GPCPD1: variants seen among roughly 807,000 people sequenced by gnomAD.
The protein encoded by GPCPD1 is glycerophosphocholine phosphodiesterase 1, also known as glycerophosphocholine phosphodiesterase GPCPD1.
In GPCPD1, 29 loss-of-function variants were observed where a neutral mutation model predicts 89.2. The ratio of observed to expected loss-of-function variants is 0.33; its 90% CI spans 0.24 to 0.44. The LOEUF (loss-of-function observed/expected upper bound fraction) is 0.44. GPCPD1 is among the 20% of genes least tolerant of loss of function. GPCPD1 has a pLI of 1.00. For missense variants in GPCPD1, 594 were observed against 808.9 expected (o/e 0.73, Z 3.22); for synonymous variants, 258 against 266.3 (o/e 0.97, Z 0.30).
Position 5,546,876 on chromosome 20 carries a change from C to T in GPCPD1, c.*785G>A, listed in dbSNP as rs1393754681. Reference sequence around the variant, plus strand: ...ACAGATGCAAGGACCTAACAGTAAACATGTACAATCTCATGCTTAACACCT... The same window carrying T: ...ACAGATGCAAGGACCTAACAGTAAATATGTACAATCTCATGCTTAACACCT... On this transcript the variant is annotated 3_prime_UTR_variant, in exon 20 of 20. Transcript: ENST00000379019. 1.3e-5 allele frequency: 2 copies of T among 152,504 alleles called. No individual in the cohort carries two copies. The highest frequency in any genetic ancestry group is 2.4e-5 in the African/African-American group (1 of 41,396). 9.4% of individuals were successfully genotyped at this position (152,504 alleles called of 1,614,324 possible). A position where few individuals can be genotyped will look rare whatever the true frequency, so the allele number is the denominator to read the frequency against.
intron 2 of GPCPD1, among the ~76,000 whole-genome samples, chr20:5,601,454 T>C (rs906752238): frequency 1.4e-5 from 2 of 142,284 alleles, no homozygotes; most frequent in African/African-American, 5.3e-5. Flanking sequence ...CTGCAACTTC[T>C]ACCTCCAGGG....
chr20:5,610,644 G>A (rs900054158), intron 1 of GPCPD1, among the ~76,000 whole-genome samples, 198 bp downstream of exon 1: 4 of 152,000 alleles, frequency 2.6e-5, no homozygotes, highest in African/African-American at 9.7e-5. Flanking sequence ...GTCGAAGAGT[G>A]CGTCCCAGCC....
intron 6 of GPCPD1, 56 bp downstream of exon 6, chr20:5,584,225 T>G: frequency 1.2e-6 from 1 of 828,340 alleles, no homozygotes; most frequent in South Asian, 1.5e-5. Flanking sequence ...CAGTGAAATG[T>G]AAAGTAACAA....
chr20:5,583,631 G>A (rs560231753), intron 6 of GPCPD1, among the ~76,000 whole-genome samples: 23 of 152,274 alleles, frequency 1.5e-4, no homozygotes, highest in African/African-American at 4.3e-4. Flanking sequence ...ATATTCAGAA[G>A]TTAAAGCATT....
rs1159735237 is a variant in GPCPD1 at position 5,547,518 on chromosome 20, C to G, written c.*143G>C. 2.2e-6 allele frequency: 1 copy of G among 458,736 alleles called. No homozygotes were observed. The highest frequency in any genetic ancestry group is 2.0e-5 in the African/African-American group (1 of 50,496). The allele number at this position is 458,736 out of a possible 1,614,324, so 28.4% of individuals were successfully genotyped here. A position where few individuals can be genotyped will look rare whatever the true frequency, so the allele number is the denominator to read the frequency against. On this transcript the variant is annotated 3_prime_UTR_variant, in exon 20 of 20. Coordinates refer to ENST00000379019, the MANE Select transcript of GPCPD1 (RefSeq NM_019593.5). ...AATTTAAATAGCATACTTGCAAGAA[C>G]TGTAGTGAAAGAGTTAAATACTTCA...
intron 2 of GPCPD1, among the ~76,000 whole-genome samples, chr20:5,602,534 A>G (rs1025963049): frequency 5.3e-5 from 8 of 152,234 alleles, no homozygotes; most frequent in Non-Finnish European, 1.0e-4. Flanking sequence ...TTAGACTCAC[A>G]CATACTCTGC....
intron 1 of GPCPD1, among the ~76,000 whole-genome samples, chr20:5,610,074 A>G (rs1049088035): frequency 6.6e-6 from 1 of 152,164 alleles, no homozygotes; most frequent in Non-Finnish European, 1.5e-5. Context: ...CAGCTGCCTT[A>G]AGGTGGAAGA....
chr20:5,570,085 T>A, intron 12 of GPCPD1, 62 bp downstream of exon 12: 1 of 725,982 alleles, frequency 1.4e-6, no homozygotes, highest in Non-Finnish European at 2.4e-6. Context: ...ATAAAAAAAC[T>A]TCCTAGTTTT....
Position 5,545,119 on chromosome 20 carries a change from C to CCT in GPCPD1, c.*2540_*2541dup, listed in dbSNP as rs1984972471. 1 of 152,130 alleles carries CCT rather than the reference C, an allele frequency of 6.6e-6. No individual in the cohort carries two copies. The highest frequency in any genetic ancestry group is 6.5e-5 in the Admixed American group (1 of 15,276). 9.4% of individuals were successfully genotyped at this position (152,130 alleles called of 1,614,324 possible). On this transcript the variant is annotated 3_prime_UTR_variant, in exon 20 of 20. Coordinates refer to ENST00000379019, the MANE Select transcript of GPCPD1 (RefSeq NM_019593.5). Reference sequence around the variant, plus strand: ...AAGTATAAAATAATTTAACATTATACCTCTACATTTCAAAATTCACATCAA... The same window carrying CCT: ...AAGTATAAAATAATTTAACATTATACCTCTCTACATTTCAAAATTCACATCAA...
At chr20:5,577,629 T>C (rs568129453) in intron 8 of GPCPD1, among the ~76,000 whole-genome samples, 1 of 152,156 alleles carries the variant, frequency 6.6e-6, no homozygotes, top group Non-Finnish European at 1.5e-5. Flanking sequence ...TGAATTCTGT[T>C]GTTCTCAAGA....
intron 2 of GPCPD1, among the ~76,000 whole-genome samples, chr20:5,600,102 C>T (rs1600802143): frequency 6.6e-6 from 1 of 152,206 alleles, no homozygotes; most frequent in African/African-American, 2.4e-5. Context: ...CAGACTCCTC[C>T]ACATTCTGAG....
chr20:5,609,611 ACTT>A (rs1475015185), intron 1 of GPCPD1, among the ~76,000 whole-genome samples: 4 of 152,162 alleles, frequency 2.6e-5, no homozygotes, highest in Non-Finnish European at 5.9e-5. Context: ...TCATCAACGT[ACTT>A]TATGTACGTA....
intron 18 of GPCPD1, 50 bp downstream of exon 18, chr20:5,558,634 C>T (rs1418962553): frequency 2.6e-6 from 3 of 1,156,794 alleles, no homozygotes; most frequent in Middle Eastern, 5.6e-4. Flanking sequence ...ACTACTACTC[C>T]AAAATAGAAA....
intron 11 of GPCPD1, among the ~76,000 whole-genome samples, chr20:5,572,536 G>A (rs1012918184): frequency 7.9e-5 from 12 of 152,118 alleles, no homozygotes; most frequent in African/African-American, 2.4e-4. Flanking sequence ...GTTCATATAA[G>A]TAATAAAGCT....
rs564116091 is a variant in GPCPD1 at position 5,547,860 on chromosome 20, A to T, written c.1830-10T>A. ...CATCCAATCATATATCCTATGATGAAACAAATACAAAACACATAAAATACT... is the reference window on the plus strand; with the variant it reads ...CATCCAATCATATATCCTATGATGATACAAATACAAAACACATAAAATACT... On this transcript the variant is annotated splice_polypyrimidine_tract_variant and intron_variant, in intron 19 of 19. Coordinates refer to ENST00000379019, the MANE Select transcript of GPCPD1 (RefSeq NM_019593.5). 1 of 1,491,378 alleles carries T rather than the reference A, an allele frequency of 6.7e-7. No homozygotes were observed. The highest frequency in any genetic ancestry group is 1.4e-5 in the African/African-American group (1 of 72,650). The allele number at this position is 1,491,378 out of a possible 1,614,324, so 92.4% of individuals were successfully genotyped here.
chr20:5,564,609 C>A (rs193230771), intron 15 of GPCPD1, among the ~76,000 whole-genome samples: 1 of 152,076 alleles, frequency 6.6e-6, no homozygotes, highest in African/African-American at 2.4e-5. Context: ...TGGGGGACAG[C>A]GTAAGTCCAG....
chr20:5,557,885 T>C, intron 19 of GPCPD1, 60 bp downstream of exon 19: 1 of 895,838 alleles, frequency 1.1e-6, no homozygotes, highest in South Asian at 1.8e-5. Context: ...TATTTATAAT[T>C]TCGTAAGATG....
At position 5,547,854 on chromosome 20, in the gene GPCPD1, T is replaced by C; in HGVS notation, c.1830-4A>G. On this transcript the variant is annotated splice_polypyrimidine_tract_variant and splice_region_variant and intron_variant, in intron 19 of 19. Transcript: ENST00000379019. ...TTCAGGCATCCAATCATATATCCTA[T>C]GATGAAACAAATACAAAACACATAA... 3 of 1,541,382 alleles carry C rather than the reference T, an allele frequency of 1.9e-6. No homozygotes were observed. The highest frequency in any genetic ancestry group is 2.7e-6 in the Non-Finnish European group (3 of 1,122,262).
chr20:5,576,038 T>TAC lies in GPCPD1; in HGVS notation c.706-61_706-60insGT, dbSNP rs1434448221. ...TAAACTTCTACATTACATACATACA[T>TAC]ATACACACACACACACACACACAGA... On this transcript the variant is annotated intron_variant, in intron 8 of 19. Coordinates refer to ENST00000379019, the MANE Select transcript of GPCPD1 (RefSeq NM_019593.5). 7.5e-4 allele frequency: 534 copies of TAC among 712,976 alleles called. 2 individuals are homozygous for TAC. The African/African-American group carries it at 9.5e-3, about 13-fold the overall frequency. 44.2% of individuals were successfully genotyped at this position (712,976 alleles called of 1,614,324 possible).
Sources: gnomAD v4.1 joint callset for allele counts (sites outside exome capture counted in the v4.1 genomes callset) on GRCh38, gnomAD v4.1.1 for gene constraint, MANE v1.5 for transcripts, NCBI Gene and HGNC (gene_info 2026-07-23, HGNC 2026-07-21) for gene names.